Variants in DNAI3 observed in about 807,000 individuals in gnomAD.
DNAI3 encodes dynein axonemal intermediate chain 3.
Under a neutral mutation model 115.5 loss-of-function variants are expected in DNAI3, and 83 were observed. The ratio of observed to expected loss-of-function variants is 0.72; its 90% confidence interval spans 0.60 to 0.86. The LOEUF is 0.86. DNAI3 is among the 40% of genes least tolerant of loss of function. DNAI3 has a pLI of 0.00. For missense variants in DNAI3, 1,004 were observed against 1,075.8 expected (o/e 0.93, Z 0.93); for synonymous variants, 320 against 347.0 (o/e 0.92, Z 0.86).
At chr1:85,131,184 C>T (rs1571207267) in intron 22 of DNAI3, among the ~76,000 whole-genome samples, 2 of 152,168 alleles carry the variant, frequency 1.3e-5, no homozygotes, top group East Asian at 3.9e-4. Flanking sequence ...CCGTGGCTCA[C>T]ACCTGTAATC....
intron 10 of DNAI3, among the ~76,000 whole-genome samples, chr1:85,095,578 T>C (rs1418696557): frequency 6.6e-6 from 1 of 152,192 alleles, no homozygotes; most frequent in Non-Finnish European, 1.5e-5. Context: ...GATCCTGTCC[T>C]CACAGAGCTT....
intron 16 of DNAI3, among the ~76,000 whole-genome samples, chr1:85,110,615 T>C (rs2100600206): frequency 6.6e-6 from 1 of 152,206 alleles, no homozygotes; most frequent in East Asian, 1.9e-4. Context: ...ATAATAGCTA[T>C]TGCCAACGCA....
At chr1:85,107,748 A>AATTG (rs1353910718) in intron 14 of DNAI3, among the ~76,000 whole-genome samples, 3 of 152,226 alleles carry the variant, frequency 2.0e-5, no homozygotes, top group African/African-American at 7.2e-5. Context: ...TGAATGTTGT[A>AATTG]GTATATGATT....
intron 3 of DNAI3, among the ~76,000 whole-genome samples, chr1:85,080,425 A>G (rs1654605227): frequency 6.6e-6 from 1 of 152,184 alleles, no homozygotes; most frequent in East Asian, 1.9e-4. Flanking sequence ...AAGGAAAGGA[A>G]TAGTTGAATG....
At position 85,084,534 on chromosome 1, in the gene DNAI3, A is replaced by G. The variant is rs1212993985; in HGVS notation, c.391-12A>G. The stretch of plus-strand genomic sequence containing the variant: ...GGGCATACATTGTAGAATGCTATTT[A>G]TTTTACTTTAGCCCCCAGAAGTACC... On this transcript the variant is annotated splice_polypyrimidine_tract_variant and intron_variant, in intron 5 of 22. Coordinates refer to ENST00000294664, the MANE Select transcript of DNAI3 (RefSeq NM_145172.5). 2.2e-6 allele frequency: 3 copies of G among 1,392,844 alleles called. No individual in the cohort carries two copies. Among genetic ancestry groups the G allele is most frequent in the Admixed American group, 5.4e-5 (2 of 37,360 alleles). The allele number at this position is 1,392,844 out of a possible 1,614,324, so 86.3% of individuals were successfully genotyped here.
chr1:85,121,848 T>C (rs1284640784), intron 18 of DNAI3, 34 bp downstream of exon 18: 6 of 1,606,868 alleles, frequency 3.7e-6, no homozygotes, highest in Non-Finnish European at 5.1e-6. Flanking sequence ...ATTAATAAGA[T>C]GTTCCTTTTA....
intron 22 of DNAI3, among the ~76,000 whole-genome samples, chr1:85,130,885 T>A (rs12057731): frequency 2.0e-5 from 3 of 152,112 alleles, no homozygotes; most frequent in African/African-American, 7.2e-5. Context: ...TTTCTCAGCT[T>A]CTCCCTGTTT....
intron 7 of DNAI3, among the ~76,000 whole-genome samples, chr1:85,088,753 A>G (rs567200128): frequency 1.3e-5 from 2 of 152,226 alleles, no homozygotes; most frequent in Admixed American, 6.5e-5. Context: ...CTGAAAAACA[A>G]CAAAACAAAT....
At chr1:85,094,133 G>A (rs978691941) in intron 9 of DNAI3, 25 of 426,330 alleles carry the variant, frequency 5.9e-5, no homozygotes, top group African/African-American at 4.8e-4. Flanking sequence ...ACCCTACACT[G>A]GCCCTTTTCT....
intron 2 of DNAI3, 84 bp from the exon 3 acceptor site, chr1:85,072,970 A>AG (rs1654331071): frequency 1.1e-5 from 9 of 842,278 alleles, no homozygotes; most frequent in African/African-American, 3.7e-5. Flanking sequence ...AAAAAAAAAA[A>AG]AAAAGAAGAA....
At chr1:85,070,615 A>G (rs1421239489) in intron 1 of DNAI3, among the ~76,000 whole-genome samples, 5 of 152,240 alleles carry the variant, frequency 3.3e-5, no homozygotes, top group Non-Finnish European at 5.9e-5. Flanking sequence ...TCAAAATGCT[A>G]GAAGAATTGT....
chr1:85,130,234 A>T (rs2100620531), intron 22 of DNAI3, 122 bp downstream of exon 22: 15 of 1,405,128 alleles, frequency 1.1e-5, no homozygotes, highest in Non-Finnish European at 1.5e-5. Context: ...TCTTGTTCTC[A>T]TGAGAGTCAA....
At chr1:85,113,152 T>C (rs953380256) in intron 16 of DNAI3, among the ~76,000 whole-genome samples, 1 of 152,220 alleles carries the variant, frequency 6.6e-6, no homozygotes, top group Non-Finnish European at 1.5e-5. Flanking sequence ...GATATGTGAT[T>C]TTTAAATATT....
At chr1:85,123,303 G>A (rs939454925) in intron 18 of DNAI3, among the ~76,000 whole-genome samples, 12 of 151,180 alleles carry the variant, frequency 7.9e-5, no homozygotes, top group African/African-American at 3.0e-4. Context: ...CAATCAAATT[G>A]TCTCACTTGG....
intron 22 of DNAI3, among the ~76,000 whole-genome samples, chr1:85,131,926 C>T (rs1008213181): frequency 1.3e-5 from 2 of 152,174 alleles, no homozygotes; most frequent in Non-Finnish European, 2.9e-5. Flanking sequence ...ATTTCCAAAA[C>T]GTTCCCAACT....
chr1:85,104,692 T>C, intron 14 of DNAI3, 95 bp downstream of exon 14: 1 of 955,652 alleles, frequency 1.0e-6, no homozygotes. Flanking sequence ...CCTTAATATT[T>C]ATGGTAGCAA....
chr1:85,121,968 A>G (rs1656005645), intron 18 of DNAI3, among the ~76,000 whole-genome samples, 154 bp downstream of exon 18: 3 of 152,242 alleles, frequency 2.0e-5, no homozygotes, highest in Admixed American at 2.0e-4. Flanking sequence ...TTGAATAAGC[A>G]GCATAGTCAT....
chr1:85,128,485 A>ATT (rs563632147), intron 20 of DNAI3, among the ~76,000 whole-genome samples: 523 of 152,304 alleles, frequency 3.4e-3, no homozygotes, highest in Non-Finnish European at 4.6e-3. Flanking sequence ...CAGCAGGGGA[A>ATT]CCGACAAAGG....
At chr1:85,092,395 C>T (rs1442846935) in intron 8 of DNAI3, among the ~76,000 whole-genome samples, 1 of 151,880 alleles carries the variant, frequency 6.6e-6, no homozygotes, top group African/African-American at 2.4e-5. Flanking sequence ...AGGATTTTTT[C>T]TTATTTTAAG....
Sources: gnomAD v4.1 joint callset for allele counts (sites outside exome capture counted in the v4.1 genomes callset) on GRCh38, gnomAD v4.1.1 for gene constraint, MANE v1.5 for transcripts, NCBI Gene and HGNC (gene_info 2026-07-23, HGNC 2026-07-21) for gene names.